Variants in SGCD observed in about 807,000 individuals in gnomAD.
The protein encoded by SGCD is delta-sarcoglycan.
Under a neutral mutation model 36.6 loss-of-function variants are expected in SGCD, and 18 were observed. The ratio of observed to expected loss-of-function variants is 0.49; its 90% CI spans 0.34 to 0.73. The LOEUF (loss-of-function observed/expected upper bound fraction) is 0.73, where lower values mean the gene tolerates loss of function less well. Ranked by LOEUF, SGCD falls within the 30% of genes least tolerant of loss-of-function variation. The probability of loss-of-function intolerance (pLI) is 0.01; values close to 1 mark genes in which losing one functional copy is unlikely to be tolerated. For missense variants in SGCD, 387 were observed against 346.7 expected (o/e 1.12, Z -0.92); for synonymous variants, 133 against 130.6 (o/e 1.02, Z -0.12).
chr5:155,892,588 T>A (rs1580975462), intron 1 of SGCD, among the ~76,000 whole-genome samples: 1 of 152,034 alleles, frequency 6.6e-6, no homozygotes, highest in African/African-American at 2.4e-5. Flanking sequence ...GGAATGCAGA[T>A]CTTATAGTAC....
At chr5:156,048,653 C>T (rs1010858790) in intron 1 of SGCD, among the ~76,000 whole-genome samples, 6 of 152,174 alleles carry the variant, frequency 3.9e-5, no homozygotes, top group Admixed American at 6.5e-5. Flanking sequence ...ATATCCTTCA[C>T]CCACTTTTTG....
At chr5:155,922,729 C>A (rs112506697) in intron 1 of SGCD, among the ~76,000 whole-genome samples, 6 of 152,106 alleles carry the variant, frequency 3.9e-5, no homozygotes, top group African/African-American at 1.2e-4. Context: ...TCCTCTCCCC[C>A]ACTAGTGCAT....
At chr5:156,608,480 G>T (rs766370472) in intron 6 of SGCD, among the ~76,000 whole-genome samples, 29 of 152,280 alleles carry the variant, frequency 1.9e-4, no homozygotes, top group Non-Finnish European at 3.1e-4. Context: ...GGTCAATTTT[G>T]GAACAGGTGT....
At chr5:156,696,801 C>A (rs1376719423) in intron 7 of SGCD, among the ~76,000 whole-genome samples, 1 of 152,050 alleles carries the variant, frequency 6.6e-6, no homozygotes, top group Non-Finnish European at 1.5e-5. Flanking sequence ...TGAGCCACAG[C>A]AACCAGCCCA....
At chr5:156,755,490 T>G (rs1429099923) in intron 7 of SGCD, among the ~76,000 whole-genome samples, 1 of 151,382 alleles carries the variant, frequency 6.6e-6, no homozygotes, top group African/African-American at 2.4e-5. Context: ...TGAGAGGGAG[T>G]CAAGAGCACA....
intron 3 of SGCD, among the ~76,000 whole-genome samples, chr5:156,287,575 G>A (rs1467734277): frequency 6.6e-6 from 1 of 151,776 alleles, no homozygotes; most frequent in Non-Finnish European, 1.5e-5. Flanking sequence ...CTTCCTCATC[G>A]GTTAGGTGGC....
chr5:156,443,049 A>G (rs1488891375), intron 3 of SGCD, among the ~76,000 whole-genome samples: 1 of 152,106 alleles, frequency 6.6e-6, no homozygotes, highest in Non-Finnish European at 1.5e-5. Context: ...CAGTGGGTCA[A>G]TCTCAGCTCA....
intron 7 of SGCD, among the ~76,000 whole-genome samples, chr5:156,732,969 CTTT>C (rs1326240442): frequency 6.6e-6 from 1 of 151,924 alleles, no homozygotes; most frequent in African/African-American, 2.4e-5. Flanking sequence ...CTCTTTTCTT[CTTT>C]GTCTGCCTAG....
At chr5:156,040,804 T>C (rs972987740) in intron 1 of SGCD, among the ~76,000 whole-genome samples, 2 of 152,180 alleles carry the variant, frequency 1.3e-5, no homozygotes, top group African/African-American at 4.8e-5. Flanking sequence ...TACATCAGAT[T>C]ATTTTAGGGC....
chr5:156,731,971 A>G (rs183902067), intron 7 of SGCD, among the ~76,000 whole-genome samples: 16 of 152,242 alleles, frequency 1.1e-4, no homozygotes, highest in Non-Finnish European at 1.8e-4. Context: ...TTGTTGGTAC[A>G]TAGGAATCCT....
chr5:156,483,423 T>C (rs1229255398), intron 3 of SGCD, among the ~76,000 whole-genome samples: 2 of 152,126 alleles, frequency 1.3e-5, no homozygotes, highest in Non-Finnish European at 2.9e-5. Flanking sequence ...GGGGAGAGAA[T>C]TGATACAAAT....
intron 4 of SGCD, among the ~76,000 whole-genome samples, chr5:156,547,812 G>A (rs556432502): frequency 6.6e-6 from 1 of 152,318 alleles, no homozygotes; most frequent in East Asian, 1.9e-4. Context: ...CTAGAAGACA[G>A]CTAGAATCTG....
Position 156,047,212 on chromosome 5 carries a change from A to G in SGCD, c.-281-70666A>G, listed in dbSNP as rs575951808. Among the ~76,000 whole-genome samples, 5 of 152,200 alleles carry G rather than the reference A, an allele frequency of 3.3e-5. No homozygotes were observed. The South Asian group carries it at 8.3e-4, about 25-fold the overall frequency. The stretch of plus-strand genomic sequence containing the variant: ...TAATGAAGTTTAAAGAAAGAAACCA[A>G]CTCCATCACATAAGAGTGCAGAGTG... On this transcript the variant is annotated intron_variant, in intron 1 of 9. Transcript: ENST00000517913.
chr5:156,533,497 G>A (rs1026983179), intron 4 of SGCD, among the ~76,000 whole-genome samples: 2 of 152,132 alleles, frequency 1.3e-5, no homozygotes, highest in Non-Finnish European at 2.9e-5. Context: ...ATTTTTTAAT[G>A]TGTAAGTGTT....
chr5:156,035,647 G>A (rs180700721), intron 1 of SGCD, among the ~76,000 whole-genome samples: 1 of 152,158 alleles, frequency 6.6e-6, no homozygotes, highest in East Asian at 1.9e-4. Flanking sequence ...AACAAGAGTA[G>A]AATGGGGTGG....
chr5:155,730,884 C>T, the SGCD span, among the ~76,000 whole-genome samples: 2 of 152,184 alleles, frequency 1.3e-5, no homozygotes, highest in Non-Finnish European at 2.9e-5. Context: ...GGGCCTCTGG[C>T]AGCAGATCAT....
intron 1 of SGCD, among the ~76,000 whole-genome samples, chr5:156,074,667 G>A (rs1457790254): frequency 6.6e-6 from 1 of 152,004 alleles, no homozygotes; most frequent in Non-Finnish European, 1.5e-5. Flanking sequence ...GCAAGAAAGC[G>A]AGAATCCATC....
the SGCD span, among the ~76,000 whole-genome samples, chr5:155,772,901 G>A: frequency 4.6e-5 from 7 of 151,872 alleles, no homozygotes; most frequent in African/African-American, 7.3e-5. Context: ...ATTTTACTAC[G>A]TAAATCAAGT....
chr5:156,069,048 A>C (rs950262202), intron 1 of SGCD, among the ~76,000 whole-genome samples: 1 of 152,084 alleles, frequency 6.6e-6, no homozygotes, highest in African/African-American at 2.4e-5. Context: ...AGTAGATTGC[A>C]AAAATTTTCT....
Sources: gnomAD v4.1 joint callset for allele counts (sites outside exome capture counted in the v4.1 genomes callset) on GRCh38, gnomAD v4.1.1 for gene constraint, MANE v1.5 for transcripts, NCBI Gene and HGNC (gene_info 2026-07-23, HGNC 2026-07-21) for gene names.